GABRG2: variants seen among roughly 807,000 people sequenced by gnomAD.
GABRG2 encodes the protein gamma-aminobutyric acid receptor subunit gamma-2.
In GABRG2, 16 loss-of-function variants were observed where a neutral mutation model predicts 56.4. The ratio of observed to expected loss-of-function variants is 0.28; its 90% CI spans 0.19 to 0.43. GABRG2 has a LOEUF of 0.43. Among genes scored for constraint, GABRG2 ranks in the 20% least tolerant of loss-of-function variants. GABRG2 has a pLI of 1.00. For synonymous variants in GABRG2, 208 were observed against 205.5 expected, an observed-to-expected ratio of 1.01 and a Z score of -0.10; for missense variants, 327 against 582.7, an observed-to-expected ratio of 0.56 and a Z score of 4.52.
At chr5:162,081,323 A>G (rs1463215804) in intron 1 of GABRG2, among the ~76,000 whole-genome samples, 1 of 152,072 alleles carries the variant, frequency 6.6e-6, no homozygotes, top group Non-Finnish European at 1.5e-5. Context: ...AGGTTACAGA[A>G]TAATAGTTGT....
intron 1 of GABRG2, among the ~76,000 whole-genome samples, chr5:162,087,726 C>T (rs1760239826): frequency 1.3e-5 from 2 of 152,124 alleles, no homozygotes; most frequent in Non-Finnish European, 2.9e-5. Context: ...TTATATCTGT[C>T]AGTGTCTCCC....
chr5:162,078,776 T>G (rs1378591639), intron 1 of GABRG2, among the ~76,000 whole-genome samples: 1 of 151,914 alleles, frequency 6.6e-6, no homozygotes, highest in East Asian at 1.9e-4. Flanking sequence ...GCTCAGGATT[T>G]GAGATATAAT....
At chr5:162,085,248 G>C (rs1363455702) in intron 1 of GABRG2, among the ~76,000 whole-genome samples, 1 of 151,878 alleles carries the variant, frequency 6.6e-6, no homozygotes, top group South Asian at 2.1e-4. Context: ...GAGCTTCCTT[G>C]TACATATATT....
At position 162,153,646 on chromosome 5, in the gene GABRG2, G is replaced by A. The variant is rs1480547998; in HGVS notation, c.*278G>A. On this transcript the variant is annotated 3_prime_UTR_variant, in exon 10 of 10. Coordinates refer to ENST00000639213, the MANE Select transcript of GABRG2 (RefSeq NM_198904.4). ...CCAAATAAGATATTTTTCAGCTACA[G>A]CAAATAAAACAGTGAAAGCCCTGAC... 9.5e-6 allele frequency: 5 copies of A among 523,726 alleles called. No homozygotes were observed. The highest frequency in any genetic ancestry group is 3.4e-5 in the East Asian group (1 of 29,180). The allele number at this position is 523,726 out of a possible 1,614,324, so 32.4% of individuals were successfully genotyped here.
chr5:162,107,729 T>A (rs1761939090), intron 6 of GABRG2, among the ~76,000 whole-genome samples: 1 of 152,226 alleles, frequency 6.6e-6, no homozygotes, highest in South Asian at 2.1e-4. Context: ...TTGTTCTATA[T>A]CTGGTAGAAG....
At chr5:162,137,668 G>A (rs1031482227) in intron 6 of GABRG2, among the ~76,000 whole-genome samples, 7 of 151,854 alleles carry the variant, frequency 4.6e-5, no homozygotes, top group Non-Finnish European at 8.8e-5. Flanking sequence ...CAAATGTGGC[G>A]TTTTGCCCTT....
At chr5:162,128,793 A>G (rs1486377449) in intron 6 of GABRG2, among the ~76,000 whole-genome samples, 1 of 151,976 alleles carries the variant, frequency 6.6e-6, no homozygotes, top group East Asian at 1.9e-4. Context: ...TTATTATTTC[A>G]GTATCATGGA....
intron 7 of GABRG2, among the ~76,000 whole-genome samples, chr5:162,145,709 A>C (rs1228139018): frequency 6.6e-6 from 1 of 152,202 alleles, no homozygotes; most frequent in Non-Finnish European, 1.5e-5. Context: ...TGTTTCTCCC[A>C]AATTATCACA....
At chr5:162,150,402 T>C (rs1373882702) in intron 8 of GABRG2, 2 of 152,360 alleles carry the variant, frequency 1.3e-5, no homozygotes, top group African/African-American at 4.8e-5. Context: ...GGATGACTTC[T>C]ACTTGCAACC....
At chr5:162,127,925 A>G (rs1427390133) in intron 6 of GABRG2, among the ~76,000 whole-genome samples, 1 of 152,030 alleles carries the variant, frequency 6.6e-6, no homozygotes, top group Non-Finnish European at 1.5e-5. Flanking sequence ...TAGTGAGAGC[A>G]CAGAGTGCTG....
At chr5:162,098,166 C>T (rs74689154) in intron 4 of GABRG2, 2 of 377,086 alleles carry the variant, frequency 5.3e-6, no homozygotes, top group East Asian at 6.0e-5. Flanking sequence ...TGCACCTACG[C>T]TTTGCACTCT....
intron 6 of GABRG2, among the ~76,000 whole-genome samples, chr5:162,118,254 T>TA (rs1436241112): frequency 6.7e-6 from 1 of 150,202 alleles, no homozygotes; most frequent in African/African-American, 2.5e-5. Context: ...ATAAACATAA[T>TA]AAAAACACGT....
chr5:162,106,845 T>C (rs559583618), intron 6 of GABRG2, among the ~76,000 whole-genome samples: 9 of 152,288 alleles, frequency 5.9e-5, no homozygotes, highest in African/African-American at 2.2e-4. Context: ...TAATGAATTT[T>C]ATTATTTTGT....
At chr5:162,069,401 T>C (rs1758490857) in intron 1 of GABRG2, among the ~76,000 whole-genome samples, 1 of 152,160 alleles carries the variant, frequency 6.6e-6, no homozygotes, top group Admixed American at 6.5e-5. Flanking sequence ...TTTTTGTGGG[T>C]CGACAATCTT....
intron 1 of GABRG2, among the ~76,000 whole-genome samples, chr5:162,072,621 T>C (rs1465620342): frequency 2.0e-5 from 3 of 151,990 alleles, no homozygotes; most frequent in Admixed American, 1.3e-4. Flanking sequence ...AGAAACCAAA[T>C]AGCCATAAGA....
chr5:162,098,978 G>A (rs1761208362), intron 4 of GABRG2: 1 of 151,982 alleles, frequency 6.6e-6, no homozygotes, highest in Non-Finnish European at 1.5e-5. Context: ...TAAGTAAAGT[G>A]ATTAACATAG....
intron 6 of GABRG2, among the ~76,000 whole-genome samples, chr5:162,106,891 T>G (rs187760784): frequency 1.8e-4 from 24 of 132,398 alleles, no homozygotes; most frequent in Non-Finnish European, 3.3e-4. Flanking sequence ...TGTACAGGTT[T>G]GTTATACAGG....
chr5:162,121,333 G>A (rs182533101), intron 6 of GABRG2, among the ~76,000 whole-genome samples: 68 of 152,128 alleles, frequency 4.5e-4, no homozygotes, highest in African/African-American at 1.3e-3. Flanking sequence ...ATAAAACAGT[G>A]CATATTAGAA....
chr5:162,081,453 G>T (rs1474386508), intron 1 of GABRG2, among the ~76,000 whole-genome samples: 1 of 151,900 alleles, frequency 6.6e-6, no homozygotes, highest in Non-Finnish European at 1.5e-5. Context: ...CTTGGTTTGA[G>T]TGGTACTTAT....
Sources: allele counts gnomAD v4.1 joint callset (sites outside exome capture counted in the v4.1 genomes callset), GRCh38; gene constraint gnomAD v4.1.1; transcripts MANE v1.5; gene names NCBI Gene and HGNC (gene_info 2026-07-23, HGNC 2026-07-21).